PIP4K2A: variants seen among roughly 807,000 people sequenced by gnomAD.
PIP4K2A encodes the protein phosphatidylinositol-5-phosphate 4-kinase type 2 alpha.
A neutral mutation model predicts 42.9 loss-of-function variants in PIP4K2A; 14 were observed. The observed-to-expected ratio is 0.33, with a 90% CI of 0.22 to 0.51. PIP4K2A has a LOEUF of 0.51. Among genes scored for constraint, PIP4K2A ranks in the 20% least tolerant of loss-of-function variants. The pLI, the probability that PIP4K2A is intolerant of heterozygous loss-of-function variation, is 0.97. For missense variants in PIP4K2A, 434 were observed against 519.8 expected, an observed-to-expected ratio of 0.83 and a Z score of 1.61; for synonymous variants, 192 against 192.2, an observed-to-expected ratio of 1.00 and a Z score of 0.01.
intron 7 of PIP4K2A, among the ~76,000 whole-genome samples, chr10:22,549,231 T>C (rs984942851): frequency 6.6e-6 from 1 of 152,232 alleles, no homozygotes; most frequent in African/African-American, 2.4e-5. Context: ...ACTTGGTCAG[T>C]GTGAGTTTCT....
Position 22,651,986 on chromosome 10 carries a change from T to C in PIP4K2A, c.145-42269A>G, listed in dbSNP as rs548467678. 1.6e-4 allele frequency among the ~76,000 whole-genome samples: 25 copies of C among 152,366 alleles called. No homozygotes were observed. The East Asian group carries it at 4.6e-3, about 28-fold the overall frequency. On this transcript the variant is annotated intron_variant, in intron 1 of 9. Transcript: ENST00000376573. ...CTGAGCCACTATTAATACTCACTAG[T>C]ACATTTAATGCCTTGCTATCTAAAT...
intron 1 of PIP4K2A, among the ~76,000 whole-genome samples, chr10:22,709,121 TA>T (rs375125414): frequency 6.6e-6 from 1 of 151,260 alleles, no homozygotes; most frequent in Non-Finnish European, 1.5e-5. Flanking sequence ...TTTTTTTTTT[TA>T]AAAGTCCCCG....
At chr10:22,583,175 C>T (rs72816831) in intron 4 of PIP4K2A, among the ~76,000 whole-genome samples, 1,890 of 152,252 alleles carry the variant, frequency 0.012, 24 homozygotes, top group Middle Eastern at 0.065. Context: ...GTAAAAAATA[C>T]AATAAAGTGC....
In PIP4K2A at chr10:22,587,143, T is replaced by C. The variant is rs142208266; in HGVS notation, c.492+4486A>G. On this transcript the variant is annotated intron_variant, in intron 4 of 9. Transcript: ENST00000376573. Reference sequence around the variant, plus strand: ...AATATTCAAATAACTAGCCATGTTCTACTTCTCCAGAGGCTGGCCTTGGGC... The same window carrying C: ...AATATTCAAATAACTAGCCATGTTCCACTTCTCCAGAGGCTGGCCTTGGGC... Among the ~76,000 whole-genome samples, 454 of 152,284 alleles carry C rather than the reference T, an allele frequency of 3.0e-3. 6 individuals are homozygous for C. The highest frequency in any genetic ancestry group is 0.01 in the African/African-American group (418 of 41,550).
chr10:22,542,928 C>G (rs1347648736), intron 7 of PIP4K2A, among the ~76,000 whole-genome samples: 1 of 152,154 alleles, frequency 6.6e-6, no homozygotes, highest in African/African-American at 2.4e-5. Context: ...CCACTCCGAC[C>G]TTGGGCTCAG....
intron 8 of PIP4K2A, among the ~76,000 whole-genome samples, chr10:22,540,789 A>G (rs1290376377): frequency 2.6e-5 from 4 of 152,330 alleles, no homozygotes; most frequent in African/African-American, 7.2e-5. Flanking sequence ...TCATGACCTC[A>G]GGTGATCTGC....
At chr10:22,594,210 C>T (rs1449668217) in intron 3 of PIP4K2A, among the ~76,000 whole-genome samples, 1 of 152,144 alleles carries the variant, frequency 6.6e-6, no homozygotes, top group African/African-American at 2.4e-5. Context: ...TAAAGTCTAG[C>T]GTATTAAGTA....
At chr10:22,684,805 C>T (rs1294450928) in intron 1 of PIP4K2A, among the ~76,000 whole-genome samples, 2 of 152,310 alleles carry the variant, frequency 1.3e-5, no homozygotes, top group South Asian at 2.1e-4. Context: ...TGCTTCCCAG[C>T]ATGTCACCGC....
At chr10:22,626,031 T>C (rs538288926) in intron 1 of PIP4K2A, among the ~76,000 whole-genome samples, 35 of 152,158 alleles carry the variant, frequency 2.3e-4, no homozygotes, top group Admixed American at 5.9e-4. Context: ...CTCTGGAGTC[T>C]TGAAGTGAGT....
rs148808281 is a variant in PIP4K2A, at chr10:22,710,604, C to G, written c.144+3579G>C. ...AGCCAAAGGGTACAGAAAAGTCCCA[C>G]GCACTCACACACCCACACACTCAAG... On this transcript the variant is annotated intron_variant, in intron 1 of 9. Coordinates refer to ENST00000376573, the MANE Select transcript of PIP4K2A (RefSeq NM_005028.5). 1.8e-4 allele frequency among the ~76,000 whole-genome samples: 27 copies of G among 152,274 alleles called. No homozygotes were observed. In the East Asian group the frequency reaches 3.3e-3, roughly 19 times the overall value.
At chr10:22,575,694 C>T (rs1837097039) in intron 4 of PIP4K2A, among the ~76,000 whole-genome samples, 1 of 152,082 alleles carries the variant, frequency 6.6e-6, no homozygotes, top group Non-Finnish European at 1.5e-5. Context: ...AATCCCAGCA[C>T]TTTTGGAGGC....
intron 7 of PIP4K2A, among the ~76,000 whole-genome samples, chr10:22,550,404 C>G (rs1319590829): frequency 2.0e-5 from 3 of 152,174 alleles, no homozygotes; most frequent in Non-Finnish European, 4.4e-5. Flanking sequence ...GGGCCTGGGA[C>G]CGGGGATTCC....
At chr10:22,692,351 G>T (rs1168280211) in intron 1 of PIP4K2A, among the ~76,000 whole-genome samples, 1 of 152,128 alleles carries the variant, frequency 6.6e-6, no homozygotes, top group Admixed American at 6.5e-5. Context: ...TACAGATGAA[G>T]CTTTGATCCT....
intron 1 of PIP4K2A, among the ~76,000 whole-genome samples, chr10:22,655,590 A>C (rs1839084599): frequency 6.6e-6 from 1 of 152,226 alleles, no homozygotes; most frequent in South Asian, 2.1e-4. Context: ...TTGTGTTCTA[A>C]GTTGTTTGCA....
At chr10:22,613,370 G>A (rs963421623) in intron 1 of PIP4K2A, among the ~76,000 whole-genome samples, 2 of 152,142 alleles carry the variant, frequency 1.3e-5, no homozygotes, top group African/African-American at 2.4e-5. Flanking sequence ...GGGACATTCC[G>A]TAGCACTTCT....
intron 1 of PIP4K2A, among the ~76,000 whole-genome samples, chr10:22,623,225 C>A (rs115030958): frequency 0.015 from 2,202 of 151,796 alleles, 53 homozygotes; most frequent in African/African-American, 0.05. Flanking sequence ...ACTGAGAAAG[C>A]ACAAAAAAAG....
At chr10:22,556,271 G>C (rs1836545252) in intron 6 of PIP4K2A, among the ~76,000 whole-genome samples, 1 of 151,988 alleles carries the variant, frequency 6.6e-6, no homozygotes, top group Non-Finnish European at 1.5e-5. Flanking sequence ...TCCCTGTCGT[G>C]GCGGCTCTAG....
chr10:22,712,031 T>C (rs1395163626), intron 1 of PIP4K2A, among the ~76,000 whole-genome samples: 1 of 152,248 alleles, frequency 6.6e-6, no homozygotes, highest in African/African-American at 2.4e-5. Flanking sequence ...GCTGGCACTG[T>C]ATGTGCCCAA....
chr10:22,567,647 G>A (rs1564423995), intron 6 of PIP4K2A: 1 of 732,790 alleles, frequency 1.4e-6, no homozygotes, highest in East Asian at 2.6e-5. Flanking sequence ...ACAAATAACT[G>A]TTTCACTATT....
Sources: allele counts gnomAD v4.1 joint callset (sites outside exome capture counted in the v4.1 genomes callset), GRCh38; gene constraint gnomAD v4.1.1; transcripts MANE v1.5; gene names NCBI Gene and HGNC (gene_info 2026-07-23, HGNC 2026-07-21).